Variants in RANBP2 observed in about 807,000 individuals in gnomAD.
The protein encoded by RANBP2 is RAN binding protein 2, also known as E3 SUMO-protein ligase RanBP2.
In RANBP2, 57 loss-of-function variants were observed where a neutral mutation model predicts 303.6. The ratio of observed to expected loss-of-function variants is 0.19; its 90% CI spans 0.15 to 0.23. The LOEUF (loss-of-function observed/expected upper bound fraction) is 0.23, where lower values mean the gene tolerates loss of function less well. RANBP2 is among the 10% of genes least tolerant of loss of function. The probability of loss-of-function intolerance (pLI) is 1.00; values close to 1 mark genes in which losing one functional copy is unlikely to be tolerated. For synonymous variants in RANBP2, 1,167 were observed against 1,301.5 expected (o/e 0.90, Z 2.23); for missense variants, 3,138 against 3,780.8 (o/e 0.83, Z 4.46).
At chr2:109,022,888 T>C in the RANBP2 span, among the ~76,000 whole-genome samples, 1 of 151,966 alleles carries the variant, frequency 6.6e-6, no homozygotes, top group Admixed American at 6.6e-5. Context: ...CAGTCTCTAC[T>C]AAAAATACAA....
At chr2:109,228,012 A>G in the RANBP2 span, among the ~76,000 whole-genome samples, 1 of 152,010 alleles carries the variant, frequency 6.6e-6, no homozygotes, top group Non-Finnish European at 1.5e-5. Flanking sequence ...AGAGTGGGGA[A>G]TAGTTCAGTG....
At chr2:108,839,033 A>G in the RANBP2 span, 3 of 731,256 alleles carry the variant, frequency 4.1e-6, no homozygotes, top group African/African-American at 5.4e-5. Context: ...GCCAAATTGT[A>G]TTGCATATAG....
At chr2:108,916,592 A>G in the RANBP2 span, among the ~76,000 whole-genome samples, 1 of 152,112 alleles carries the variant, frequency 6.6e-6, no homozygotes, top group Non-Finnish European at 1.5e-5. Flanking sequence ...GCTGGCACCA[A>G]CTAAACGGTC....
chr2:109,028,106 C>T, the RANBP2 span, among the ~76,000 whole-genome samples: 3 of 151,924 alleles, frequency 2.0e-5, no homozygotes. Flanking sequence ...CCTGTCTCTA[C>T]AAAAAATGCA....
chr2:108,908,069 C>A, the RANBP2 span: 1 of 1,548,020 alleles, frequency 6.5e-7, no homozygotes. Flanking sequence ...GGGGCTGCAG[C>A]CCTGACAAGT....
chr2:109,317,267 G>A, the RANBP2 span, among the ~76,000 whole-genome samples: 1 of 152,156 alleles, frequency 6.6e-6, no homozygotes, highest in African/African-American at 2.4e-5. Context: ...CTTGTGCACA[G>A]ATAGCGTCAA....
At chr2:109,493,516 A>ACACCATTGCATACCCACACC in the RANBP2 span, among the ~76,000 whole-genome samples, 1 of 151,524 alleles carries the variant, frequency 6.6e-6, no homozygotes, top group Non-Finnish European at 1.5e-5. Flanking sequence ...TACCTCACAC[A>ACACCATTGCATACCCACACC]CACCATTGCA....
chr2:109,005,990 C>T, the RANBP2 span, among the ~76,000 whole-genome samples: 1 of 152,152 alleles, frequency 6.6e-6, no homozygotes, highest in Non-Finnish European at 1.5e-5. Context: ...GTCACATGAG[C>T]CAGTGGGTCA....
In RANBP2 at chr2:108,719,578, C is replaced by A. The variant is rs1376048039; in HGVS notation, c.-29C>A. ...GCTGCGGGCCTGAGCGCTGGTCTCA[C>A]GCGCCTCGGGAGCCAGGTTGGCGGC... On this transcript the variant is annotated 5_prime_UTR_variant, in exon 1 of 29. Transcript: ENST00000283195. 2 of 1,591,584 alleles carry A rather than the reference C, an allele frequency of 1.3e-6. No individual in the cohort carries two copies. Among genetic ancestry groups the A allele is most frequent in the Non-Finnish European group, 1.7e-6 (2 of 1,170,980 alleles).
chr2:108,891,409 T>G, the RANBP2 span, among the ~76,000 whole-genome samples: 31 of 152,224 alleles, frequency 2.0e-4, no homozygotes, highest in Non-Finnish European at 1.6e-4. Context: ...AGTAATGTAG[T>G]CTCTGTATGA....
chr2:109,259,106 A>G, the RANBP2 span, among the ~76,000 whole-genome samples: 2 of 152,198 alleles, frequency 1.3e-5, no homozygotes, highest in Non-Finnish European at 2.9e-5. Flanking sequence ...ACACATACCT[A>G]CTGCCAGATC....
chr2:109,503,351 G>A, the RANBP2 span: 1 of 152,096 alleles, frequency 6.6e-6, no homozygotes, highest in Non-Finnish European at 1.5e-5. Context: ...TTTGAAACAC[G>A]GGCCGCTTAT....
At chr2:109,483,593 G>A in the RANBP2 span, among the ~76,000 whole-genome samples, 1 of 152,174 alleles carries the variant, frequency 6.6e-6, no homozygotes, top group Non-Finnish European at 1.5e-5. Context: ...TGCTGTGTCG[G>A]CCAAAATACT....
chr2:109,075,025 C>CAAAA, the RANBP2 span, among the ~76,000 whole-genome samples: 16 of 44,650 alleles, frequency 3.6e-4, no homozygotes, highest in South Asian at 1.0e-3. Context: ...GTCTCCATCT[C>CAAAA]AAAAAAAAAA....
chr2:108,911,361 C>T, the RANBP2 span, among the ~76,000 whole-genome samples: 1 of 152,172 alleles, frequency 6.6e-6, no homozygotes, highest in Non-Finnish European at 1.5e-5. Flanking sequence ...ACTGCTTTGG[C>T]AACCTGAGGG....
chr2:108,978,521 G>A, the RANBP2 span, among the ~76,000 whole-genome samples: 6 of 152,266 alleles, frequency 3.9e-5, no homozygotes, highest in African/African-American at 1.4e-4. Context: ...CACGGGCTTA[G>A]GGAACATGCA....
chr2:108,882,389 G>A, the RANBP2 span: 1 of 152,164 alleles, frequency 6.6e-6, no homozygotes. Flanking sequence ...AATTAGGTAT[G>A]CCTGTATGGA....
the RANBP2 span, among the ~76,000 whole-genome samples, chr2:109,550,673 G>T: frequency 3.9e-5 from 6 of 152,312 alleles, no homozygotes; most frequent in African/African-American, 1.4e-4. Context: ...TGAGCTAGCA[G>T]ATGACTTCCA....
chr2:108,969,382 T>C, the RANBP2 span, among the ~76,000 whole-genome samples: 1 of 152,198 alleles, frequency 6.6e-6, no homozygotes, highest in Non-Finnish European at 1.5e-5. Context: ...GTTCGGATGG[T>C]TGTATCTCCG....
Sources: gnomAD v4.1 joint callset for allele counts (sites outside exome capture counted in the v4.1 genomes callset) on GRCh38, gnomAD v4.1.1 for gene constraint, MANE v1.5 for transcripts, NCBI Gene and HGNC (gene_info 2026-07-23, HGNC 2026-07-21) for gene names.